SUSD6: variants seen among roughly 807,000 people sequenced by gnomAD.
The protein encoded by SUSD6 is sushi domain containing 6.
In SUSD6, 16 loss-of-function variants were observed where a neutral mutation model predicts 28.4. That is an observed-to-expected ratio of 0.56 (90% CI 0.38 to 0.86). SUSD6 has a LOEUF of 0.86. Ranked by LOEUF, SUSD6 falls within the 40% of genes least tolerant of loss-of-function variation. The probability of loss-of-function intolerance (pLI) is 0.00; values close to 1 mark genes in which losing one functional copy is unlikely to be tolerated. For synonymous variants in SUSD6, 147 were observed against 159.6 expected (o/e 0.92, Z 0.59); for missense variants, 341 against 384.2 (o/e 0.89, Z 0.94).
chr14:69,641,789 GA>G (rs1413576176), intron 1 of SUSD6, among the ~76,000 whole-genome samples: 2 of 148,674 alleles, frequency 1.3e-5, no homozygotes, highest in Admixed American at 6.6e-5. Context: ...TTGTAGAGAG[GA>G]GGGGGGGTCT....
chr14:69,637,714 A>G (rs1299594884), intron 1 of SUSD6, among the ~76,000 whole-genome samples: 1 of 152,146 alleles, frequency 6.6e-6, no homozygotes, highest in Non-Finnish European at 1.5e-5. Flanking sequence ...CCTCATCTCC[A>G]GCCCTGGAGG....
intron 1 of SUSD6, among the ~76,000 whole-genome samples, chr14:69,639,809 G>A (rs1885322254): frequency 6.6e-6 from 1 of 152,100 alleles, no homozygotes; most frequent in Non-Finnish European, 1.5e-5. Flanking sequence ...GATACCAGTA[G>A]CACCTTACCC....
At chr14:69,660,979 C>T (rs1885653394) in intron 2 of SUSD6, among the ~76,000 whole-genome samples, 1 of 152,148 alleles carries the variant, frequency 6.6e-6, no homozygotes, top group Admixed American at 6.5e-5. Flanking sequence ...AAATGGTGCT[C>T]AATAAGTATG....
chr14:69,691,266 C>A (rs1886149165), intron 2 of SUSD6, among the ~76,000 whole-genome samples: 1 of 152,104 alleles, frequency 6.6e-6, no homozygotes, highest in African/African-American at 2.4e-5. Context: ...TTGCTTCAAC[C>A]TGGGAGAAGG....
intron 1 of SUSD6, among the ~76,000 whole-genome samples, chr14:69,627,305 G>A (rs1475093722): frequency 6.6e-6 from 1 of 152,116 alleles, no homozygotes; most frequent in Non-Finnish European, 1.5e-5. Flanking sequence ...TTTATTTCAG[G>A]GCTAATCATG....
chr14:69,626,121 A>G (rs373675022), intron 1 of SUSD6, among the ~76,000 whole-genome samples: 4 of 152,082 alleles, frequency 2.6e-5, no homozygotes, highest in African/African-American at 4.8e-5. Context: ...GAGGGGGGAA[A>G]AAAAGCCCTG....
At chr14:69,624,509 A>G (rs1349119939) in intron 1 of SUSD6, among the ~76,000 whole-genome samples, 1 of 147,920 alleles carries the variant, frequency 6.8e-6, no homozygotes, top group East Asian at 2.0e-4. Context: ...CTGGAGTGCC[A>G]TGGCCTGATC....
intron 1 of SUSD6, among the ~76,000 whole-genome samples, chr14:69,616,926 A>G (rs923987721): frequency 1.3e-5 from 2 of 152,174 alleles, no homozygotes; most frequent in African/African-American, 4.8e-5. Context: ...CATCACCCCA[A>G]AAAGTCACTC....
chr14:69,706,395 C>G (rs1886387606), intron 4 of SUSD6, among the ~76,000 whole-genome samples: 1 of 152,160 alleles, frequency 6.6e-6, no homozygotes, highest in African/African-American at 2.4e-5. Context: ...ACATATATTA[C>G]TTTTTAAGCC....
At chr14:69,681,271 C>T (rs979651625) in intron 2 of SUSD6, among the ~76,000 whole-genome samples, 3 of 152,202 alleles carry the variant, frequency 2.0e-5, no homozygotes, top group African/African-American at 7.2e-5. Context: ...TTAATGCTGT[C>T]TGCAGAAAGG....
intron 2 of SUSD6, among the ~76,000 whole-genome samples, chr14:69,667,708 C>T (rs751636283): frequency 6.6e-6 from 1 of 152,004 alleles, no homozygotes; most frequent in Non-Finnish European, 1.5e-5. Flanking sequence ...ATTAGCGGCC[C>T]ATGAAGTTAG....
At chr14:69,673,723 A>G (rs1443080390) in intron 2 of SUSD6, among the ~76,000 whole-genome samples, 1 of 152,102 alleles carries the variant, frequency 6.6e-6, no homozygotes, top group Non-Finnish European at 1.5e-5. Flanking sequence ...GTGAGTTCTA[A>G]AAGTCTGCAT....
At chr14:69,634,039 T>C (rs1885230839) in intron 1 of SUSD6, among the ~76,000 whole-genome samples, 1 of 152,206 alleles carries the variant, frequency 6.6e-6, no homozygotes, top group Non-Finnish European at 1.5e-5. Context: ...GGGTCAGACT[T>C]GTCTCCCAAG....
chr14:69,647,638 T>C (rs1885446881), intron 1 of SUSD6, among the ~76,000 whole-genome samples: 1 of 151,806 alleles, frequency 6.6e-6, no homozygotes, highest in East Asian at 1.9e-4. Flanking sequence ...CTTTTCTTGC[T>C]GTCCAACCCC....
chr14:69,669,036 C>T (rs1434095825), intron 2 of SUSD6, among the ~76,000 whole-genome samples: 1 of 149,280 alleles, frequency 6.7e-6, no homozygotes, highest in African/African-American at 2.5e-5. Flanking sequence ...ATTACCCAGT[C>T]TCAAGTATTT....
At chr14:69,623,157 C>T (rs558486335) in intron 1 of SUSD6, among the ~76,000 whole-genome samples, 1 of 152,244 alleles carries the variant, frequency 6.6e-6, no homozygotes, top group African/African-American at 2.4e-5. Flanking sequence ...TAGCAACAGC[C>T]CCTTTTTGGT....
At chr14:69,710,532 T>C (rs1886447902) in intron 5 of SUSD6, among the ~76,000 whole-genome samples, 1 of 152,172 alleles carries the variant, frequency 6.6e-6, no homozygotes, top group Admixed American at 6.5e-5. Flanking sequence ...AGTTGGGAGC[T>C]TGAGGCCCAC....
chr14:69,708,326 C>T lies in SUSD6; in HGVS notation c.459-351C>T, dbSNP rs572908670. ...GCCTTTATTTCTGGGTCTCTAGGCT[C>T]CTAGTTTTTCCACAGGGTAAAAGGG... On this transcript the variant is annotated intron_variant, in intron 4 of 5. Coordinates refer to ENST00000342745, the MANE Select transcript of SUSD6 (RefSeq NM_014734.4). Among the ~76,000 whole-genome samples, 21 of 152,240 alleles carry T rather than the reference C, an allele frequency of 1.4e-4. No homozygotes were observed. The East Asian group carries it at 4.1e-3, about 29-fold the overall frequency.
chr14:69,671,482 G>A (rs555631845), intron 2 of SUSD6, among the ~76,000 whole-genome samples: 1 of 152,184 alleles, frequency 6.6e-6, no homozygotes. Flanking sequence ...CTCGTAGGAG[G>A]CATGTCTGAC....
Sources: gnomAD v4.1 joint callset for allele counts (sites outside exome capture counted in the v4.1 genomes callset) on GRCh38, gnomAD v4.1.1 for gene constraint, MANE v1.5 for transcripts, NCBI Gene and HGNC (gene_info 2026-07-23, HGNC 2026-07-21) for gene names.